Variants in FXR1 observed in about 807,000 individuals in gnomAD.
FXR1 encodes the protein FMR1 autosomal homolog 1, also known as RNA-binding protein FXR1.
FXR1 carries 15 observed loss-of-function variants against 84.0 expected under a neutral mutation model. The ratio of observed to expected loss-of-function variants is 0.18; its 90% CI spans 0.12 to 0.27. FXR1 has a LOEUF of 0.27. Among genes scored for constraint, FXR1 ranks in the 10% least tolerant of loss-of-function variants. The pLI is 1.00. For missense variants in FXR1, 480 were observed against 774.4 expected (o/e 0.62, Z 4.51); for synonymous variants, 245 against 250.7 (o/e 0.98, Z 0.21).
In FXR1 at chr3:180,960,954, A is replaced by C. The variant is rs575878373; in HGVS notation, c.991-514A>C. Among the ~76,000 whole-genome samples, 6 of 152,316 alleles carry C rather than the reference A, an allele frequency of 3.9e-5. No individual in the cohort carries two copies. In the East Asian group the frequency reaches 1.2e-3, roughly 29 times the overall value. On this transcript the variant is annotated intron_variant, in intron 10 of 16. Transcript: ENST00000357559. ...ATTGAAAATCTGAGTATTTCAACTT[A>C]CATGGATTTTAGCATTTTTTTCTCC...
At chr3:180,970,042 C>T in intron 14 of FXR1, 116 bp from the exon 15 acceptor site, 2 of 521,958 alleles carry the variant, frequency 3.8e-6, no homozygotes, top group Admixed American at 5.8e-5. Context: ...GAAGACAGTG[C>T]ATTTTTATTG....
intron 1 of FXR1, among the ~76,000 whole-genome samples, chr3:180,926,506 A>ATTTTTTTTTTTTTT (rs57540765): frequency 8.8e-5 from 11 of 124,340 alleles, no homozygotes; most frequent in African/African-American, 2.9e-4. Flanking sequence ...ATATATATAT[A>ATTTTTTTTTTTTTT]TTTTTTTTTC....
chr3:180,945,789 T>C (rs1251715890), intron 3 of FXR1, among the ~76,000 whole-genome samples: 1 of 152,212 alleles, frequency 6.6e-6, no homozygotes, highest in Admixed American at 6.5e-5. Context: ...TGTTGGAGGA[T>C]TTTGCATGAT....
rs1308628280 is a variant in FXR1 at position 180,982,005 on chromosome 3, G to C, written c.*5713G>C. ...GCTAGATCTGTAGAGATAAGTACTAGACTCACATCTCAGTACTATCAAGGA... is the reference window on the plus strand; with the variant it reads ...GCTAGATCTGTAGAGATAAGTACTACACTCACATCTCAGTACTATCAAGGA... On this transcript the variant is annotated 3_prime_UTR_variant, in exon 17 of 17. Coordinates refer to ENST00000357559, the MANE Select transcript of FXR1 (RefSeq NM_005087.4). 6.6e-6 allele frequency: 1 copy of C among 152,000 alleles called. No homozygotes were observed. Among genetic ancestry groups the C allele is most frequent in the African/African-American group, 2.4e-5 (1 of 41,406 alleles). 9.4% of individuals were successfully genotyped at this position (152,000 alleles called of 1,614,324 possible).
chr3:180,931,688 C>T (rs563279676), intron 1 of FXR1, among the ~76,000 whole-genome samples: 92 of 149,624 alleles, frequency 6.1e-4, no homozygotes, highest in African/African-American at 2.1e-3. Context: ...TCTTAATTTG[C>T]TTAGAAAAAT....
At chr3:180,942,669 A>G (rs912788669) in intron 3 of FXR1, among the ~76,000 whole-genome samples, 4 of 152,092 alleles carry the variant, frequency 2.6e-5, no homozygotes, top group African/African-American at 9.7e-5. Context: ...CATCATGGTC[A>G]CTCCACAGTC....
chr3:180,925,094 T>C (rs902210811), intron 1 of FXR1, among the ~76,000 whole-genome samples: 3 of 152,134 alleles, frequency 2.0e-5, no homozygotes, highest in East Asian at 3.9e-4. Flanking sequence ...CCGGGCGCGA[T>C]GGCTCACGCC....
chr3:180,959,256 C>T (rs1012890424), intron 10 of FXR1, among the ~76,000 whole-genome samples: 24 of 152,070 alleles, frequency 1.6e-4, no homozygotes, highest in Admixed American at 1.2e-3. Flanking sequence ...CGTGTTTCTT[C>T]CCACATGTTG....
intron 3 of FXR1, among the ~76,000 whole-genome samples, chr3:180,945,663 G>A (rs1721621498): frequency 6.6e-6 from 1 of 152,132 alleles, no homozygotes; most frequent in Non-Finnish European, 1.5e-5. Context: ...ACCTGCTTTG[G>A]CTCCCCAAAG....
intron 14 of FXR1, 128 bp from the exon 15 acceptor site, chr3:180,970,030 T>C: frequency 2.0e-6 from 1 of 499,682 alleles, no homozygotes; most frequent in South Asian, 3.7e-5. Flanking sequence ...AACATTTTAT[T>C]TGAAGACAGT....
intron 7 of FXR1, among the ~76,000 whole-genome samples, chr3:180,949,698 T>C (rs567206965): frequency 1.8e-4 from 27 of 152,344 alleles, no homozygotes; most frequent in African/African-American, 6.5e-4. Flanking sequence ...TTTAGTTTTA[T>C]ATTTTTCAAG....
At chr3:180,934,777 T>C (rs888537064) in intron 2 of FXR1, among the ~76,000 whole-genome samples, 3 of 152,218 alleles carry the variant, frequency 2.0e-5, no homozygotes, top group East Asian at 1.9e-4. Flanking sequence ...CTACTATTTA[T>C]TGGGCAGCTG....
At position 180,954,334 on chromosome 3, in the gene FXR1, T is replaced by G. The variant is rs77149684; in HGVS notation, c.880+494T>G. Among the ~76,000 whole-genome samples, 916 of 152,268 alleles carry G rather than the reference T, an allele frequency of 6.0e-3. 3 individuals carry two copies. The highest frequency in any genetic ancestry group is 0.021 in the African/African-American group (862 of 41,542). ...TAGGTTGTTGCAAGGCATAGAATAA[T>G]AAGAAGTTGTGGGCAGGAGAGAAGG... On this transcript the variant is annotated intron_variant, in intron 9 of 16. Coordinates refer to ENST00000357559, the MANE Select transcript of FXR1 (RefSeq NM_005087.4).
chr3:180,941,513 A>T (rs1721117429), intron 3 of FXR1, among the ~76,000 whole-genome samples: 1 of 152,160 alleles, frequency 6.6e-6, no homozygotes, highest in South Asian at 2.1e-4. Context: ...AAAGATATAC[A>T]TGGATTATTT....
At chr3:180,953,690 T>A (rs1030222389) in intron 8 of FXR1, 72 bp from the exon 9 acceptor site, 1 of 741,598 alleles carries the variant, frequency 1.3e-6, no homozygotes, top group Non-Finnish European at 2.3e-6. Flanking sequence ...TTTTCTCATC[T>A]TCTTGTTTTG....
chr3:180,981,303 G>A lies in FXR1; in HGVS notation c.*5011G>A, dbSNP rs1714598114. 1.3e-5 allele frequency: 2 copies of A among 152,010 alleles called. No individual in the cohort carries two copies. The highest frequency in any genetic ancestry group is 2.9e-5 in the Non-Finnish European group (2 of 67,934). The allele number at this position is 152,010 out of a possible 1,614,324, so 9.4% of individuals were successfully genotyped here. ...GTATACTGAATTTATACAGCTTTCA[G>A]TGTGGCAATATATTAAGAAGCTAGT... is the stretch of plus-strand genomic sequence containing the variant. On this transcript the variant is annotated 3_prime_UTR_variant, in exon 17 of 17. Transcript: ENST00000357559.
At chr3:180,943,634 AG>A (rs1322865238) in intron 3 of FXR1, among the ~76,000 whole-genome samples, 3 of 152,138 alleles carry the variant, frequency 2.0e-5, no homozygotes, top group African/African-American at 7.2e-5. Context: ...TTGGTCTTTC[AG>A]GGGTGAAGTT....
chr3:180,938,676 G>C (rs142652656), intron 3 of FXR1, among the ~76,000 whole-genome samples: 13 of 151,998 alleles, frequency 8.6e-5, no homozygotes, highest in African/African-American at 3.1e-4. Context: ...AGCCTCCCTA[G>C]TAGCTGGGAT....
chr3:180,932,087 A>AAAAAAAAC (rs1190261322), intron 1 of FXR1, among the ~76,000 whole-genome samples: 2 of 150,310 alleles, frequency 1.3e-5, no homozygotes, highest in African/African-American at 4.9e-5. Context: ...AAAAAAAAAA[A>AAAAAAAAC]AAACAACTTT....
Sources: allele counts gnomAD v4.1 joint callset (sites outside exome capture counted in the v4.1 genomes callset), GRCh38; gene constraint gnomAD v4.1.1; transcripts MANE v1.5; gene names NCBI Gene and HGNC (gene_info 2026-07-23, HGNC 2026-07-21).